Variants in TFCP2 observed in about 807,000 individuals in gnomAD.
The protein encoded by TFCP2 is alpha-globin transcription factor CP2.
In TFCP2, 33 loss-of-function variants were observed where a neutral mutation model predicts 73.4. The ratio of observed to expected loss-of-function variants is 0.45; its 90% CI spans 0.34 to 0.60. The LOEUF (loss-of-function observed/expected upper bound fraction) is 0.60, where lower values mean the gene tolerates loss of function less well. Among genes scored for constraint, TFCP2 ranks in the 20% least tolerant of loss-of-function variants. The probability of loss-of-function intolerance (pLI) is 0.01; values close to 1 mark genes in which losing one functional copy is unlikely to be tolerated. For synonymous variants in TFCP2, 193 were observed against 211.6 expected (o/e 0.91, Z 0.76); for missense variants, 352 against 604.0 (o/e 0.58, Z 4.37).
At chr12:51,118,456 G>A (rs1409411336) in intron 2 of TFCP2, among the ~76,000 whole-genome samples, 165 bp downstream of exon 2, 1 of 152,182 alleles carries the variant, frequency 6.6e-6, no homozygotes, top group African/African-American at 2.4e-5. Context: ...TCAGGAGGCT[G>A]AGGCAGGAGA....
At chr12:51,126,585 GAGA>G (rs1163321425) in intron 1 of TFCP2, among the ~76,000 whole-genome samples, 1 of 152,200 alleles carries the variant, frequency 6.6e-6, no homozygotes, top group South Asian at 2.1e-4. Context: ...CTAGAAAAGG[GAGA>G]AGGAGAGGGT....
chr12:51,115,999 C>T (rs1266865487), intron 4 of TFCP2, among the ~76,000 whole-genome samples: 1 of 152,012 alleles, frequency 6.6e-6, no homozygotes, highest in Non-Finnish European at 1.5e-5. Flanking sequence ...TGTGAATGTA[C>T]CTAATGTTAC....
At chr12:51,142,577 C>A (rs142133682) in intron 1 of TFCP2, among the ~76,000 whole-genome samples, 2 of 152,250 alleles carry the variant, frequency 1.3e-5, no homozygotes, top group East Asian at 3.9e-4. Context: ...AGACTTGGAT[C>A]CCATCCCTTC....
At chr12:51,116,160 A>C (rs1006415925) in intron 4 of TFCP2, among the ~76,000 whole-genome samples, 155 bp downstream of exon 4, 5 of 152,212 alleles carry the variant, frequency 3.3e-5, no homozygotes, top group Non-Finnish European at 7.3e-5. Context: ...TTTAACTTGT[A>C]TTACTTAAAA....
intron 2 of TFCP2, 60 bp downstream of exon 2, chr12:51,118,560 AC>A: frequency 1.3e-6 from 2 of 1,575,626 alleles, no homozygotes; most frequent in Non-Finnish European, 1.7e-6. Context: ...AAACAAACAA[AC>A]AAAAAAATCA....
At chr12:51,125,331 A>T in intron 1 of TFCP2, 2 of 513,752 alleles carry the variant, frequency 3.9e-6, no homozygotes, top group Non-Finnish European at 3.8e-6. Context: ...ACATTATATA[A>T]GGCAGAGTTC....
intron 1 of TFCP2, among the ~76,000 whole-genome samples, chr12:51,171,539 G>A (rs945439801): frequency 6.6e-6 from 1 of 152,060 alleles, no homozygotes; most frequent in Non-Finnish European, 1.5e-5. Flanking sequence ...CACCACACCC[G>A]GCTAATTTTT....
intron 10 of TFCP2, among the ~76,000 whole-genome samples, chr12:51,102,542 A>G (rs1031669025): frequency 3.9e-5 from 6 of 152,156 alleles, no homozygotes; most frequent in Admixed American, 1.3e-4. Context: ...CCTGGCCAAC[A>G]TGGTGAGACC....
chr12:51,132,923 C>G (rs1168422818), intron 1 of TFCP2, among the ~76,000 whole-genome samples: 6 of 152,136 alleles, frequency 3.9e-5, no homozygotes, highest in Admixed American at 3.9e-4. Context: ...GCAGCCTCAG[C>G]CTGCTGATAC....
intron 1 of TFCP2, among the ~76,000 whole-genome samples, chr12:51,169,704 C>A (rs1941823263): frequency 3.9e-5 from 6 of 152,120 alleles, no homozygotes; most frequent in Admixed American, 3.9e-4. Context: ...GCCTGAGTGA[C>A]AGAACAGGAC....
At chr12:51,141,523 C>T (rs1243440072) in intron 1 of TFCP2, among the ~76,000 whole-genome samples, 7 of 152,094 alleles carry the variant, frequency 4.6e-5, no homozygotes, top group African/African-American at 7.2e-5. Context: ...ACCCTATTAT[C>T]AACAAGACCT....
chr12:51,144,822 G>A (rs1941259414), intron 1 of TFCP2, among the ~76,000 whole-genome samples: 1 of 152,226 alleles, frequency 6.6e-6, no homozygotes, highest in Non-Finnish European at 1.5e-5. Flanking sequence ...AACACTTTGG[G>A]AGGCTGAGGC....
intron 1 of TFCP2, among the ~76,000 whole-genome samples, chr12:51,148,592 T>C (rs1447587196): frequency 2.0e-5 from 3 of 148,576 alleles, no homozygotes; most frequent in Non-Finnish European, 3.0e-5. Context: ...CCAGGCTACT[T>C]GGGAGGCTGA....
intron 1 of TFCP2, among the ~76,000 whole-genome samples, chr12:51,138,836 C>T (rs1941123509): frequency 2.0e-5 from 3 of 152,028 alleles, no homozygotes; most frequent in African/African-American, 7.2e-5. Flanking sequence ...CGGGGTTTCT[C>T]CATGTTGGTC....
chr12:51,155,734 A>G (rs566797826), intron 1 of TFCP2, among the ~76,000 whole-genome samples: 121 of 152,278 alleles, frequency 7.9e-4, no homozygotes, highest in South Asian at 3.3e-3. Flanking sequence ...TTTTACATCA[A>G]TGTTTCTAAG....
chr12:51,124,911 A>T, intron 1 of TFCP2: 1 of 924,258 alleles, frequency 1.1e-6, no homozygotes, highest in Non-Finnish European at 1.8e-6. Flanking sequence ...TGTCAAGGAC[A>T]CGTCGTCCAG....
chr12:51,144,046 T>G (rs1031512644), intron 1 of TFCP2, among the ~76,000 whole-genome samples: 1 of 152,128 alleles, frequency 6.6e-6, no homozygotes, highest in African/African-American at 2.4e-5. Flanking sequence ...AAAAAATTTT[T>G]TTTTGAGACA....
chr12:51,169,506 G>GA lies in TFCP2; in HGVS notation c.122+2794dup, dbSNP rs1156270636. Among the ~76,000 whole-genome samples, 1,174 of 121,874 alleles carry GA rather than the reference G, an allele frequency of 9.6e-3. 13 individuals carry two copies. The highest frequency in any genetic ancestry group is 0.033 in the African/African-American group (1,105 of 33,250). 80.0% of individuals were successfully genotyped at this position (121,874 alleles called of 152,430 possible). On this transcript the variant is annotated intron_variant, in intron 1 of 14. Coordinates refer to ENST00000257915, the MANE Select transcript of TFCP2 (RefSeq NM_005653.5). ...ACAGAGCGAGACTCCATCTCAAAAAGAAAAAAAAAAAGTCAAGAGAATAGT... is the reference window on the plus strand; with the variant it reads ...ACAGAGCGAGACTCCATCTCAAAAAGAAAAAAAAAAAAGTCAAGAGAATAGT...
chr12:51,136,165 C>A (rs1447246430), intron 1 of TFCP2, among the ~76,000 whole-genome samples: 1 of 151,866 alleles, frequency 6.6e-6, no homozygotes, highest in Non-Finnish European at 1.5e-5. Context: ...AAATTTTAGC[C>A]AGGTGTGGTG....
Sources: allele counts gnomAD v4.1 joint callset (sites outside exome capture counted in the v4.1 genomes callset), GRCh38; gene constraint gnomAD v4.1.1; transcripts MANE v1.5; gene names NCBI Gene and HGNC (gene_info 2026-07-23, HGNC 2026-07-21).